CALN1: variants seen among roughly 807,000 people sequenced by gnomAD.
CALN1 encodes calcium-binding protein 8.
Under a neutral mutation model 30.6 loss-of-function variants are expected in CALN1, and 17 were observed. The observed-to-expected ratio is 0.56, with a 90% confidence interval of 0.38 to 0.83. The LOEUF is 0.83. Among genes scored for constraint, CALN1 ranks in the 40% least tolerant of loss-of-function variants. The pLI, the probability that CALN1 is intolerant of heterozygous loss-of-function variation, is 0.00. For synonymous variants in CALN1, 156 were observed against 131.4 expected (o/e 1.19, Z -1.28); for missense variants, 291 against 354.9 (o/e 0.82, Z 1.45).
intron 2 of CALN1, among the ~76,000 whole-genome samples, chr7:72,344,571 T>C (rs2129558953): frequency 6.8e-6 from 1 of 147,528 alleles, no homozygotes; most frequent in African/African-American, 2.4e-5. Flanking sequence ...TATATATTTA[T>C]TTATATATTC....
At chr7:72,024,508 C>T (rs575693488) in intron 4 of CALN1, among the ~76,000 whole-genome samples, 3 of 152,272 alleles carry the variant, frequency 2.0e-5, no homozygotes, top group East Asian at 3.9e-4. Context: ...AAGTGATTCT[C>T]ATGCCTCAGC....
At chr7:71,886,352 C>T (rs1179977427) in intron 5 of CALN1, among the ~76,000 whole-genome samples, 1 of 152,260 alleles carries the variant, frequency 6.6e-6, no homozygotes, top group African/African-American at 2.4e-5. Context: ...CTGCCTTTCC[C>T]TTCAGTGTCC....
chr7:72,445,541 C>T (rs756716506), intron 1 of CALN1, among the ~76,000 whole-genome samples: 5 of 152,140 alleles, frequency 3.3e-5, no homozygotes, highest in African/African-American at 7.2e-5. Flanking sequence ...ACATCTCTCC[C>T]GGGGTTACTT....
intron 3 of CALN1, among the ~76,000 whole-genome samples, chr7:72,193,529 C>A (rs961460606): frequency 2.6e-5 from 4 of 152,250 alleles, no homozygotes; most frequent in South Asian, 2.1e-4. Context: ...ATTTTGTGGT[C>A]ATGCAAATAT....
chr7:72,502,854 T>G, the CALN1 span, among the ~76,000 whole-genome samples: 1 of 152,138 alleles, frequency 6.6e-6, no homozygotes, highest in African/African-American at 2.4e-5. Flanking sequence ...TTTCTATAAC[T>G]GTAAAAAGAA....
chr7:72,198,314 G>A (rs1008754345), intron 3 of CALN1, among the ~76,000 whole-genome samples: 22 of 152,180 alleles, frequency 1.4e-4, no homozygotes, highest in African/African-American at 4.6e-4. Context: ...TGTAAAAGAC[G>A]TTGGCTTCCT....
intron 5 of CALN1, among the ~76,000 whole-genome samples, chr7:71,941,125 T>A (rs968622300): frequency 3.3e-5 from 5 of 152,040 alleles, no homozygotes; most frequent in Non-Finnish European, 1.5e-5. Flanking sequence ...GGTGGGCGGA[T>A]CACCTGAGGT....
chr7:71,878,963 G>A (rs142690730), intron 5 of CALN1, among the ~76,000 whole-genome samples: 96 of 152,304 alleles, frequency 6.3e-4, no homozygotes, highest in African/African-American at 2.2e-3. Flanking sequence ...TGCTGGGACA[G>A]TGACTTCCAA....
intron 1 of CALN1, among the ~76,000 whole-genome samples, chr7:72,430,059 G>A (rs1292996509): frequency 1.3e-5 from 2 of 151,180 alleles, no homozygotes; most frequent in East Asian, 3.9e-4. Context: ...GATCTCAGGT[G>A]ATCTGCCCAC....
At chr7:71,924,070 G>A (rs1469029492) in intron 5 of CALN1, among the ~76,000 whole-genome samples, 1 of 151,932 alleles carries the variant, frequency 6.6e-6, no homozygotes, top group Non-Finnish European at 1.5e-5. Context: ...GCGGCCACCT[G>A]TAATCCCAGC....
At chr7:72,140,215 G>C (rs1051363495) in intron 3 of CALN1, among the ~76,000 whole-genome samples, 5 of 151,610 alleles carry the variant, frequency 3.3e-5, no homozygotes, top group Non-Finnish European at 5.9e-5. Context: ...AGGCTGCAGT[G>C]AGTCATGATT....
intron 4 of CALN1, among the ~76,000 whole-genome samples, chr7:72,096,307 ACTTC>A (rs1397326955): frequency 1.3e-5 from 2 of 152,062 alleles, no homozygotes; most frequent in Non-Finnish European, 2.9e-5. Context: ...GACAGACTTT[ACTTC>A]CTTCATCAGG....
At chr7:72,228,358 C>T (rs1311858784) in intron 3 of CALN1, among the ~76,000 whole-genome samples, 1 of 151,688 alleles carries the variant, frequency 6.6e-6, no homozygotes, top group Non-Finnish European at 1.5e-5. Context: ...AAATGTCTGG[C>T]TTCCCCACTG....
the CALN1 span, among the ~76,000 whole-genome samples, chr7:72,455,995 GACA>G: frequency 6.6e-6 from 1 of 151,918 alleles, no homozygotes; most frequent in Admixed American, 6.6e-5. Context: ...GACCATCCTG[GACA>G]ACAAGGTGAA....
At chr7:72,385,193 G>C (rs369788956) in intron 2 of CALN1, among the ~76,000 whole-genome samples, 38 of 152,338 alleles carry the variant, frequency 2.5e-4, no homozygotes, top group African/African-American at 6.3e-4. Context: ...CTTTCTTGAT[G>C]ATGGGAATAT....
At chr7:72,382,641 T>C (rs2129560892) in intron 2 of CALN1, among the ~76,000 whole-genome samples, 1 of 152,226 alleles carries the variant, frequency 6.6e-6, no homozygotes, top group East Asian at 1.9e-4. Flanking sequence ...TAGTCCTCAG[T>C]GTCTGTTTCT....
chr7:72,356,795 CTG>C (rs1423041921), intron 2 of CALN1, among the ~76,000 whole-genome samples: 1 of 151,862 alleles, frequency 6.6e-6, no homozygotes, highest in Non-Finnish European at 1.5e-5. Flanking sequence ...TAGCTAAAAA[CTG>C]TAAATTAGGA....
intron 5 of CALN1, among the ~76,000 whole-genome samples, chr7:71,977,251 C>A (rs1370835823): frequency 6.6e-6 from 1 of 151,990 alleles, no homozygotes; most frequent in Non-Finnish European, 1.5e-5. Flanking sequence ...GGCAACATAG[C>A]GAGACCCTAT....
chr7:72,390,272 T>C (rs535836689), intron 2 of CALN1, among the ~76,000 whole-genome samples: 2 of 150,722 alleles, frequency 1.3e-5, no homozygotes, highest in East Asian at 2.0e-4. Flanking sequence ...CTACTAAAAA[T>C]ACAAAAAAAT....
Sources: gnomAD v4.1 joint callset for allele counts (sites outside exome capture counted in the v4.1 genomes callset) on GRCh38, gnomAD v4.1.1 for gene constraint, MANE v1.5 for transcripts, NCBI Gene and HGNC (gene_info 2026-07-23, HGNC 2026-07-21) for gene names.